Variants in CHD9 observed in about 807,000 individuals in gnomAD.
CHD9 encodes the protein chromodomain helicase DNA binding protein 9.
In CHD9, 77 loss-of-function variants were observed where a neutral mutation model predicts 316.1. The ratio of observed to expected loss-of-function variants is 0.24; its 90% CI spans 0.20 to 0.29. The LOEUF (loss-of-function observed/expected upper bound fraction) is 0.29, where lower values mean the gene tolerates loss of function less well. Ranked by LOEUF, CHD9 falls within the 10% of genes least tolerant of loss-of-function variation. The probability of loss-of-function intolerance (pLI) is 1.00; values close to 1 mark genes in which losing one functional copy is unlikely to be tolerated. For missense variants in CHD9, 2,763 were observed against 3,438.1 expected (o/e 0.80, Z 4.91); for synonymous variants, 1,129 against 1,158.3 (o/e 0.97, Z 0.51).
chr16:53,213,906 A>G (rs1403632819), intron 3 of CHD9, among the ~76,000 whole-genome samples: 1 of 152,104 alleles, frequency 6.6e-6, no homozygotes, highest in Non-Finnish European at 1.5e-5. Flanking sequence ...TCCTTTTTGT[A>G]TTAACCATAA....
At chr16:53,208,267 C>A in intron 2 of CHD9, 1 of 1,248,620 alleles carries the variant, frequency 8.0e-7, no homozygotes, top group Non-Finnish European at 1.0e-6. Flanking sequence ...TTCTTGAGCA[C>A]TGCCTGGGGT....
chr16:53,077,054 C>T (rs1054539147), intron 1 of CHD9, among the ~76,000 whole-genome samples: 1 of 151,360 alleles, frequency 6.6e-6, no homozygotes, highest in Admixed American at 6.6e-5. Context: ...GTGGCATGAT[C>T]TTGGCTTGCT....
chr16:53,302,235 C>T (rs778880239), intron 30 of CHD9, among the ~76,000 whole-genome samples: 194 of 152,272 alleles, frequency 1.3e-3, no homozygotes, highest in Non-Finnish European at 1.9e-3. Flanking sequence ...TTTTCTTTCT[C>T]GTTAGCTTCC....
intron 10 of CHD9, among the ~76,000 whole-genome samples, chr16:53,234,752 T>C (rs903628982): frequency 6.6e-6 from 1 of 152,106 alleles, no homozygotes; most frequent in Non-Finnish European, 1.5e-5. Flanking sequence ...GATTTTTATT[T>C]TTTAATCTGT....
chr16:53,223,297 G>A (rs984962083), intron 4 of CHD9, among the ~76,000 whole-genome samples: 7 of 142,590 alleles, frequency 4.9e-5, no homozygotes, highest in Non-Finnish European at 9.1e-5. Context: ...ATAACCCTCT[G>A]AAGTTAAAAT....
Position 53,157,508 on chromosome 16 carries a change from A to G in CHD9, c.1419A>G (p.Leu473=). The G allele has an allele frequency of 1.9e-6, 3 of 1,613,680 alleles. No individual in the cohort carries two copies. Among genetic ancestry groups the G allele is most frequent in the South Asian group, 2.2e-5 (2 of 91,054 alleles). The change falls in exon 2 of 39, where the codon TTA becomes TTG. Residue 473 remains leucine, a synonymous_variant. Coordinates refer to ENST00000447540, the MANE Select transcript of CHD9 (RefSeq NM_001308319.2). ...WHSSFSNHQH[L]HDRNHLCLQR... is the part of the protein sequence containing the mutation. ...CATCATTTTCTAATCATCAGCATTT[A>G]CATGACAGAAATCACCTATGTTTAC... is the stretch of plus-strand genomic sequence containing the variant.
Position 53,314,803 on chromosome 16 carries a change from C to A in CHD9, c.7363-20C>A. On this transcript the variant is annotated intron_variant, in intron 35 of 38. Coordinates refer to ENST00000447540, the MANE Select transcript of CHD9 (RefSeq NM_001308319.2). ...TGATAAAGTATGAAAATAAAGATAC[C>A]ATTTGGTGTTTTTTTACAGGTTTCT... The A allele has an allele frequency of 2.0e-6, 3 of 1,497,752 alleles. No individual in the cohort carries two copies. The highest frequency in any genetic ancestry group is 1.2e-5 in the South Asian group (1 of 84,086). 92.8% of individuals were successfully genotyped at this position (1,497,752 alleles called of 1,614,324 possible).
At chr16:53,268,587 TATTA>T (rs149666317) in intron 22 of CHD9, among the ~76,000 whole-genome samples, 49 of 152,276 alleles carry the variant, frequency 3.2e-4, no homozygotes, top group African/African-American at 1.1e-3. Context: ...AGAATGGAAT[TATTA>T]AAGTATAGCT....
chr16:53,145,580 C>A (rs8053357), intron 1 of CHD9, among the ~76,000 whole-genome samples: 41,651 of 151,628 alleles, frequency 0.27, 5,808 homozygotes, highest in Middle Eastern at 0.3. Flanking sequence ...GTGGAGGGCA[C>A]CTGTAATCCC....
intron 8 of CHD9, among the ~76,000 whole-genome samples, chr16:53,231,156 T>C (rs1286196290): frequency 6.6e-6 from 1 of 152,124 alleles, no homozygotes; most frequent in African/African-American, 2.4e-5. Flanking sequence ...AAAGGAAAGG[T>C]ATAGAGGCTG....
rs1209989377 is a variant in CHD9 at position 53,222,604 on chromosome 16, C to A, written c.1785-40C>A. On this transcript the variant is annotated intron_variant, in intron 3 of 38. Transcript: ENST00000447540. ...TAATTTAATCAAATTTAGGAAAATT[C>A]AAAGAATTCATACTTTTTATTCTTT... 13 of 949,934 alleles carry A rather than the reference C, an allele frequency of 1.4e-5. No homozygotes were observed. In the Admixed American group the frequency reaches 1.5e-4, roughly 11 times the overall value. The allele number at this position is 949,934 out of a possible 1,614,324, so 58.8% of individuals were successfully genotyped here. A position where few individuals can be genotyped will look rare whatever the true frequency, so the allele number is the denominator to read the frequency against.
chr16:53,254,421 A>G lies in CHD9; in HGVS notation c.3862-17A>G, dbSNP rs765372290. The G allele has an allele frequency of 2.6e-6, 4 of 1,521,902 alleles. No homozygotes were observed. In the Admixed American group the frequency reaches 5.9e-5, roughly 22 times the overall value. 94.3% of individuals were successfully genotyped at this position (1,521,902 alleles called of 1,614,324 possible). ...TTTTGAGAAACTAATTAAATATGTA[A>G]CTTTTCATTTTTATAGGCCCAAGCT... On this transcript the variant is annotated splice_polypyrimidine_tract_variant and intron_variant, in intron 17 of 38. Coordinates refer to ENST00000447540, the MANE Select transcript of CHD9 (RefSeq NM_001308319.2).
chr16:53,217,651 A>G (rs2152893516), intron 3 of CHD9, among the ~76,000 whole-genome samples: 2 of 152,250 alleles, frequency 1.3e-5, no homozygotes, highest in South Asian at 4.1e-4. Context: ...CTGTAATATT[A>G]CCTAGATACC....
chr16:53,314,438 CA>C lies in CHD9; in HGVS notation c.7291del (p.Arg2431GlyfsTer8), dbSNP rs748826986. 1.8e-5 allele frequency: 28 copies of C among 1,586,906 alleles called. No homozygotes were observed. The highest frequency in any genetic ancestry group is 7.1e-5 in the Admixed American group (4 of 56,164). On this transcript the variant is annotated frameshift_variant, in exon 35 of 39. Coordinates refer to ENST00000447540, the MANE Select transcript of CHD9 (RefSeq NM_001308319.2). LOFTEE classifies it high-confidence loss of function. ...GVILDNQPIVKKRRGRRKNVE... is the reference protein window; with the variant it reads ...GVILDNQPIVXKRRGRRKNVE... ...TGATATTAGACAACCAGCCTATAGT[CA>C]AAAAAAGGCGAGGAAGGAGGAAGAA...
chr16:53,286,087 A>G, intron 25 of CHD9, 139 bp from the exon 26 acceptor site: 1 of 538,664 alleles, frequency 1.9e-6, no homozygotes. Flanking sequence ...TTTCTAGAAA[A>G]CATACTTAAC....
At chr16:53,114,125 T>TA (rs1386042676) in intron 1 of CHD9, among the ~76,000 whole-genome samples, 1 of 151,710 alleles carries the variant, frequency 6.6e-6, no homozygotes, top group Non-Finnish European at 1.5e-5. Context: ...AGCAAGGCCT[T>TA]AAAGTTTAGA....
intron 12 of CHD9, among the ~76,000 whole-genome samples, chr16:53,240,361 A>G (rs2048988187): frequency 6.6e-6 from 1 of 152,162 alleles, no homozygotes; most frequent in African/African-American, 2.4e-5. Context: ...ATTTTAATAT[A>G]TGTGTCACAT....
intron 1 of CHD9, chr16:53,131,067 C>CGCA (rs2039243142): frequency 6.4e-6 from 1 of 157,272 alleles, no homozygotes; most frequent in Non-Finnish European, 1.4e-5. Flanking sequence ...CGGTAAGTGC[C>CGCA]GCCGCCGCCG....
chr16:53,322,131 G>C (rs2057317581), intron 38 of CHD9, among the ~76,000 whole-genome samples: 1 of 150,972 alleles, frequency 6.6e-6, no homozygotes, highest in Non-Finnish European at 1.5e-5. Context: ...CCAAGTAGCT[G>C]GGACAATAGG....
Sources: gnomAD v4.1 joint callset for allele counts (sites outside exome capture counted in the v4.1 genomes callset) on GRCh38, gnomAD v4.1.1 for gene constraint, MANE v1.5 for transcripts, NCBI Gene and HGNC (gene_info 2026-07-23, HGNC 2026-07-21) for gene names.